The following OR14I1 variants were observed in gnomAD, a reference collection of about 807,000 sequenced individuals.
OR14I1 encodes olfactory receptor 14I1.
For synonymous variants in OR14I1, 118 were observed against 71.1 expected (o/e 1.66, Z -3.32); for missense variants, 279 against 181.8 (o/e 1.53, Z -3.07).
the OR14I1 span, among the ~76,000 whole-genome samples, chr1:248,689,128 C>A: frequency 6.6e-6 from 1 of 152,190 alleles, no homozygotes; most frequent in African/African-American, 2.4e-5. Context: ...TTCAAAATAG[C>A]TACAAGGAGG....
the OR14I1 span, among the ~76,000 whole-genome samples, chr1:248,695,734 C>T: frequency 6.6e-6 from 1 of 152,178 alleles, no homozygotes; most frequent in Non-Finnish European, 1.5e-5. Flanking sequence ...ACCCCTTCTC[C>T]TACCCCGGGT....
At chr1:248,687,026 A>C (rs1661668453), upstream of OR14I1, among the ~76,000 whole-genome samples, 1 of 152,204 alleles carries the variant, frequency 6.6e-6, no homozygotes, top group African/African-American at 2.4e-5. Context: ...TGGTCTCAGG[A>C]GGATGCTGCC....
chr1:248,689,636 A>G, the OR14I1 span, among the ~76,000 whole-genome samples: 1 of 152,276 alleles, frequency 6.6e-6, no homozygotes, highest in East Asian at 1.9e-4. Context: ...TCTTACTTCT[A>G]ACACCAAATA....
chr1:248,692,495 C>T, the OR14I1 span: 1 of 152,686 alleles, frequency 6.5e-6, no homozygotes, highest in Non-Finnish European at 1.5e-5. Context: ...CCTGCTTTCT[C>T]TACCCCAGTC....
the OR14I1 span, among the ~76,000 whole-genome samples, chr1:248,692,402 C>T: frequency 6.6e-6 from 1 of 152,254 alleles, no homozygotes; most frequent in East Asian, 1.9e-4. Flanking sequence ...CCCAACGTTG[C>T]CACTTTCTCC....
At chr1:248,685,720 T>G (rs1176736984), upstream of OR14I1, among the ~76,000 whole-genome samples, 1 of 150,224 alleles carries the variant, frequency 6.7e-6, no homozygotes. Flanking sequence ...TATACATGTA[T>G]AGTATATATA....
At chr1:248,702,754 T>C in the OR14I1 span, among the ~76,000 whole-genome samples, 1 of 152,176 alleles carries the variant, frequency 6.6e-6, no homozygotes, top group Admixed American at 6.5e-5. Context: ...GCTGTTCTCC[T>C]AGTGCTCTGC....
the OR14I1 span, among the ~76,000 whole-genome samples, chr1:248,688,108 C>A: frequency 6.6e-6 from 1 of 152,218 alleles, no homozygotes; most frequent in Non-Finnish European, 1.5e-5. Context: ...CCTAAACTTG[C>A]ATTTTAAATA....
chr1:248,702,001 C>T, the OR14I1 span, among the ~76,000 whole-genome samples: 1 of 152,116 alleles, frequency 6.6e-6, no homozygotes. Flanking sequence ...GCATGTCTTT[C>T]ATGGCTGGAG....
upstream of OR14I1, among the ~76,000 whole-genome samples, chr1:248,684,119 C>G (rs61834348): frequency 0.096 from 14,590 of 152,186 alleles, 867 homozygotes; most frequent in East Asian, 0.16. Context: ...CAAAGGAGCA[C>G]TATCCCTGAT....
At chr1:248,684,312 T>C (rs1241304612), upstream of OR14I1, among the ~76,000 whole-genome samples, 1 of 152,222 alleles carries the variant, frequency 6.6e-6, no homozygotes, top group Non-Finnish European at 1.5e-5. Context: ...TTAGAAAACA[T>C]ATGTCTGGCA....
At chr1:248,690,600 CA>C in the OR14I1 span, among the ~76,000 whole-genome samples, 1,941 of 51,306 alleles carry the variant, frequency 0.038, 15 homozygotes, top group African/African-American at 0.11. Context: ...GTCTACCAAC[CA>C]AAAAAAAAAA....
At chr1:248,680,889 G>A (rs149938949), downstream of OR14I1, among the ~76,000 whole-genome samples, 1,090 of 151,854 alleles carry the variant, frequency 7.2e-3, 21 homozygotes, top group African/African-American at 0.024. Context: ...TAAAACATAC[G>A]TTCCTGTTCT....
the OR14I1 span, among the ~76,000 whole-genome samples, chr1:248,690,334 A>C: frequency 6.6e-6 from 1 of 152,126 alleles, no homozygotes; most frequent in Non-Finnish European, 1.5e-5. Flanking sequence ...CCACCAAGCT[A>C]GGCTAATAAA....
the OR14I1 span, among the ~76,000 whole-genome samples, chr1:248,688,211 C>A: frequency 3.9e-5 from 6 of 152,158 alleles, no homozygotes; most frequent in Non-Finnish European, 2.9e-5. Flanking sequence ...TTAATTTGCC[C>A]AAACCAAGAA....
chr1:248,688,641 A>C, the OR14I1 span, among the ~76,000 whole-genome samples: 1 of 152,206 alleles, frequency 6.6e-6, no homozygotes, highest in African/African-American at 2.4e-5. Flanking sequence ...TTTGTTTTCA[A>C]GATTGCAAGA....
At chr1:248,694,477 C>T in the OR14I1 span, among the ~76,000 whole-genome samples, 1 of 152,198 alleles carries the variant, frequency 6.6e-6, no homozygotes, top group Admixed American at 6.5e-5. Flanking sequence ...CTGTTACTTA[C>T]AAACATATCC....
chr1:248,698,166 T>C, the OR14I1 span, among the ~76,000 whole-genome samples: 1 of 152,204 alleles, frequency 6.6e-6, no homozygotes. Context: ...ACCATGTTGG[T>C]TGGTCTCTTG....
the OR14I1 span, among the ~76,000 whole-genome samples, chr1:248,698,559 G>T: frequency 4.0e-4 from 61 of 152,286 alleles, no homozygotes; most frequent in African/African-American, 1.5e-3. Context: ...GGCATAAAGG[G>T]TCTATAAAAG....
Sources: allele counts gnomAD v4.1 joint callset (sites outside exome capture counted in the v4.1 genomes callset), GRCh38; gene constraint gnomAD v4.1.1; transcripts MANE v1.5; gene names NCBI Gene and HGNC (gene_info 2026-07-23, HGNC 2026-07-21).